TXLNB: variants seen among roughly 807,000 people sequenced by gnomAD.
The protein encoded by TXLNB is beta-taxilin.
In TXLNB, 37 loss-of-function variants were observed where a neutral mutation model predicts 57.4. That is an observed-to-expected ratio of 0.64 (90% CI 0.50 to 0.85). The LOEUF (loss-of-function observed/expected upper bound fraction) is 0.85, where lower values mean the gene tolerates loss of function less well. Ranked by LOEUF, TXLNB falls within the 40% of genes least tolerant of loss-of-function variation. The pLI, the probability that TXLNB is intolerant of heterozygous loss-of-function variation, is 0.00. For missense variants in TXLNB, 848 were observed against 825.6 expected, an observed-to-expected ratio of 1.03 and a Z score of -0.33; for synonymous variants, 302 against 309.6, an observed-to-expected ratio of 0.98 and a Z score of 0.26.
the TXLNB span, among the ~76,000 whole-genome samples, chr6:139,176,432 C>T: frequency 5.6e-4 from 86 of 152,274 alleles, no homozygotes; most frequent in African/African-American, 1.9e-3. This position sits in a 1 kb window ranked among gnomAD's most constrained non-coding sequence, Gnocchi z 4.5. Flanking sequence ...TGTGCTGTTA[C>T]GGAGAGGCTA....
At chr6:139,276,703 G>T in intron 3 of TXLNB, 127 bp downstream of exon 3, 1 of 701,758 alleles carries the variant, frequency 1.4e-6, no homozygotes, top group Non-Finnish European at 2.4e-6. Flanking sequence ...TGCAGGGTTA[G>T]CGCACAGACC....
chr6:139,235,670 G>A (rs576504021), downstream of TXLNB, among the ~76,000 whole-genome samples: 4 of 151,982 alleles, frequency 2.6e-5, no homozygotes, highest in Admixed American at 6.5e-5. Flanking sequence ...GTAGAGAAAG[G>A]CAGGGTCCCT....
chr6:139,257,254 G>A (rs1489534690), intron 6 of TXLNB, among the ~76,000 whole-genome samples: 1 of 152,074 alleles, frequency 6.6e-6, no homozygotes, highest in Non-Finnish European at 1.5e-5. Flanking sequence ...GAAGCAGCTT[G>A]TCTGGATAAT....
At chr6:139,215,496 C>A in the TXLNB span, among the ~76,000 whole-genome samples, 3 of 152,016 alleles carry the variant, frequency 2.0e-5, no homozygotes, top group South Asian at 4.1e-4. Context: ...TAAAGACTTA[C>A]ATGTTAGACC....
chr6:139,226,302 C>CAA, the TXLNB span, among the ~76,000 whole-genome samples: 977 of 39,084 alleles, frequency 0.025, 244 homozygotes, highest in Middle Eastern at 0.11. Flanking sequence ...GACCCTGTCT[C>CAA]AAAAAAAAAA....
At chr6:139,224,438 A>G in the TXLNB span, among the ~76,000 whole-genome samples, 1 of 151,878 alleles carries the variant, frequency 6.6e-6, no homozygotes, top group African/African-American at 2.4e-5. Flanking sequence ...CCTAAAACTT[A>G]AAGTATAATA....
the TXLNB span, among the ~76,000 whole-genome samples, chr6:139,310,310 A>T: frequency 1.3e-5 from 2 of 152,376 alleles, no homozygotes; most frequent in East Asian, 3.9e-4. Flanking sequence ...TTTATAAAAG[A>T]TAGGCAATGG....
the TXLNB span, among the ~76,000 whole-genome samples, chr6:139,159,839 ACCCAACT>A: frequency 6.6e-6 from 1 of 152,186 alleles, no homozygotes; most frequent in Non-Finnish European, 1.5e-5. Flanking sequence ...CCTTCATTCC[ACCCAACT>A]CCCCACCTGC....
At chr6:139,257,993 C>T (rs927738926) in intron 6 of TXLNB, among the ~76,000 whole-genome samples, 3 of 152,180 alleles carry the variant, frequency 2.0e-5, no homozygotes, top group Non-Finnish European at 4.4e-5. Context: ...ACAGTGTCCC[C>T]TCTGGCCATC....
At chr6:139,309,439 A>T in the TXLNB span, among the ~76,000 whole-genome samples, 1 of 152,180 alleles carries the variant, frequency 6.6e-6, no homozygotes, top group Non-Finnish European at 1.5e-5. Flanking sequence ...ATGCATATTA[A>T]GTGTTAATTC....
At chr6:139,221,952 A>C in the TXLNB span, among the ~76,000 whole-genome samples, 1 of 152,302 alleles carries the variant, frequency 6.6e-6, no homozygotes, top group Non-Finnish European at 1.5e-5. Flanking sequence ...ATCCACTAAA[A>C]GCTTAAGGAA....
the TXLNB span, among the ~76,000 whole-genome samples, chr6:139,228,761 C>T: frequency 2.0e-5 from 3 of 152,086 alleles, no homozygotes; most frequent in African/African-American, 4.8e-5. Flanking sequence ...CACACTGGAT[C>T]GGAGTGGCTT....
the TXLNB span, among the ~76,000 whole-genome samples, chr6:139,213,805 G>A: frequency 2.0e-4 from 30 of 152,196 alleles, no homozygotes; most frequent in Non-Finnish European, 3.2e-4. Context: ...TATCACCACC[G>A]ATCCCACAAA....
rs1329911522 is a variant in TXLNB at position 139,242,114 on chromosome 6, C to A, written c.*412G>T. The A allele has an allele frequency of 6.4e-6, 1 of 155,384 alleles. No homozygotes were observed. The allele number at this position is 155,384 out of a possible 1,614,324, so 9.6% of individuals were successfully genotyped here. A position where few individuals can be genotyped will look rare whatever the true frequency, so the allele number is the denominator to read the frequency against. The stretch of plus-strand genomic sequence containing the variant: ...ATAGTTTAAATGTAACCTGGGCATC[C>A]ATAAATTACTATGGAACTTGTTAAA... On this transcript the variant is annotated 3_prime_UTR_variant, in exon 10 of 10. Transcript: ENST00000358430.
rs1775899417 is a variant in TXLNB, at chr6:139,240,188, AAC to A, written c.*2336_*2337del. On this transcript the variant is annotated 3_prime_UTR_variant, in exon 10 of 10. Coordinates refer to ENST00000358430, the MANE Select transcript of TXLNB (RefSeq NM_153235.4). ...AAATAGTTACATACACTTGATAAAG[AAC>A]AGACATTCCTTCTGAATTTAGAACT... 6.6e-5 allele frequency: 10 copies of A among 152,638 alleles called. No homozygotes were observed. Among genetic ancestry groups the A allele is most frequent in the Admixed American group, 6.5e-4 (10 of 15,286 alleles). 9.5% of individuals were successfully genotyped at this position (152,638 alleles called of 1,614,324 possible).
the TXLNB span, chr6:139,180,863 T>TTGTC: frequency 6.6e-6 from 1 of 152,596 alleles, no homozygotes; most frequent in East Asian, 1.9e-4. Flanking sequence ...AGCAGTGGGA[T>TTGTC]TGTCTGGTCA....
the TXLNB span, chr6:139,180,846 A>AT: frequency 1.6e-4 from 24 of 152,684 alleles, no homozygotes; most frequent in African/African-American, 5.8e-4. Flanking sequence ...TTTCATTGAG[A>AT]TTTTTGAGCA....
the TXLNB span, chr6:139,166,861 C>T: frequency 1.9e-6 from 3 of 1,613,876 alleles, no homozygotes; most frequent in African/African-American, 4.0e-5. Context: ...TCTCTCCTGC[C>T]CACTTCAGCG....
intron 2 of TXLNB, among the ~76,000 whole-genome samples, chr6:139,281,054 A>C (rs950182588): frequency 1.3e-5 from 2 of 151,816 alleles, no homozygotes; most frequent in Non-Finnish European, 2.9e-5. Flanking sequence ...TTATTTATTT[A>C]TTTTTTTATT....
Sources: allele counts gnomAD v4.1 joint callset (sites outside exome capture counted in the v4.1 genomes callset), GRCh38; gene constraint gnomAD v4.1.1; non-coding constraint Gnocchi (gnomAD v3.1); transcripts MANE v1.5; gene names NCBI Gene and HGNC (gene_info 2026-07-23, HGNC 2026-07-21).